Variants in CPNE2 observed in about 807,000 individuals in gnomAD.
CPNE2 encodes the protein copine 2.
A neutral mutation model predicts 69.7 loss-of-function variants in CPNE2; 42 were observed. That is an observed-to-expected ratio of 0.60 (90% CI 0.47 to 0.78). CPNE2 has a LOEUF of 0.78. Ranked by LOEUF, CPNE2 falls within the 30% of genes least tolerant of loss-of-function variation. The probability of loss-of-function intolerance (pLI) is 0.00; values close to 1 mark genes in which losing one functional copy is unlikely to be tolerated. For synonymous variants in CPNE2, 294 were observed against 289.8 expected, an observed-to-expected ratio of 1.01 and a Z score of -0.15; for missense variants, 587 against 732.0, an observed-to-expected ratio of 0.80 and a Z score of 2.29.
At chr16:57,102,541 A>G (rs1479563329) in intron 1 of CPNE2, among the ~76,000 whole-genome samples, 7 of 151,330 alleles carry the variant, frequency 4.6e-5, no homozygotes, top group Non-Finnish European at 8.8e-5. Flanking sequence ...TGCTGTGTCC[A>G]CCAGCCTGGA....
In CPNE2 at chr16:57,097,315, G is replaced by T. The variant is rs1299046631; in HGVS notation, c.-36+4525G>T. On this transcript the variant is annotated intron_variant, in intron 1 of 15. Transcript: ENST00000290776. ...TATGCCCAGAGCCTGAGTGTGTCTTGATCATGGTTGCCCCTCCAGCACACA... is the reference window on the plus strand; with the variant it reads ...TATGCCCAGAGCCTGAGTGTGTCTTTATCATGGTTGCCCCTCCAGCACACA... Among the ~76,000 whole-genome samples, 14 of 152,132 alleles carry T rather than the reference G, an allele frequency of 9.2e-5. 1 individual carries two copies.
chr16:57,138,956 T>C (rs761338703), intron 14 of CPNE2, among the ~76,000 whole-genome samples: 1 of 152,014 alleles, frequency 6.6e-6, no homozygotes, highest in Non-Finnish European at 1.5e-5. Context: ...CGGGAGGTGG[T>C]GGGAAAGATA....
At chr16:57,103,075 G>A (rs1434324368) in intron 1 of CPNE2, among the ~76,000 whole-genome samples, 5 of 152,026 alleles carry the variant, frequency 3.3e-5, no homozygotes, top group Non-Finnish European at 5.9e-5. Flanking sequence ...AGGCAACCAC[G>A]CCCCTTTCTT....
intron 7 of CPNE2, among the ~76,000 whole-genome samples, chr16:57,120,145 C>T (rs1430308507): frequency 6.6e-6 from 1 of 151,926 alleles, no homozygotes; most frequent in Non-Finnish European, 1.5e-5. Context: ...TGGCGGTGCA[C>T]GCCTGTAGTC....
chr16:57,124,419 G>C (rs112171206), intron 10 of CPNE2: 3 of 455,818 alleles, frequency 6.6e-6, no homozygotes, highest in Non-Finnish European at 8.8e-6. Flanking sequence ...TTGCCGCCCC[G>C]AGATTCATAT....
chr16:57,104,930 G>A (rs1271166678), intron 1 of CPNE2, among the ~76,000 whole-genome samples: 1 of 152,188 alleles, frequency 6.6e-6, no homozygotes, highest in African/African-American at 2.4e-5. Context: ...GCAAGCGAGG[G>A]GGAGGGTGGC....
intron 12 of CPNE2, among the ~76,000 whole-genome samples, chr16:57,128,896 G>C (rs1424027214): frequency 6.6e-6 from 1 of 152,200 alleles, no homozygotes; most frequent in East Asian, 1.9e-4. Context: ...TGGGCATCCT[G>C]TATTCTATAT....
intron 14 of CPNE2, among the ~76,000 whole-genome samples, chr16:57,145,225 T>C (rs538210826): frequency 6.6e-6 from 1 of 152,354 alleles, no homozygotes; most frequent in Non-Finnish European, 1.5e-5. Flanking sequence ...CTGGAGACTA[T>C]TGTCTCCTCA....
At chr16:57,100,265 G>T (rs1201358184) in intron 1 of CPNE2, among the ~76,000 whole-genome samples, 1 of 152,184 alleles carries the variant, frequency 6.6e-6, no homozygotes, top group Admixed American at 6.5e-5. Context: ...AAGGGGGAAG[G>T]GCATTCCAGG....
chr16:57,095,103 G>A (rs1008228968), intron 1 of CPNE2, among the ~76,000 whole-genome samples: 1 of 152,182 alleles, frequency 6.6e-6, no homozygotes, highest in Non-Finnish European at 1.5e-5. Flanking sequence ...AACACCTTGA[G>A]GACCCAGCTC....
chr16:57,130,796 G>A lies in CPNE2; in HGVS notation c.1116+2893G>A, dbSNP rs372206625. On this transcript the variant is annotated intron_variant, in intron 12 of 15. Coordinates refer to ENST00000290776, the MANE Select transcript of CPNE2 (RefSeq NM_152727.6). This position sits in a 1 kb window ranked among gnomAD's most constrained non-coding sequence, Gnocchi z 4.1. ...CATGGAGACATCAGCCAGTGTGGCA[G>A]TCAGCCAGCGTGGAAGTCAACTGGC... Among the ~76,000 whole-genome samples, 4 of 152,142 alleles carry A rather than the reference G, an allele frequency of 2.6e-5. No homozygotes were observed. In the East Asian group the frequency reaches 5.8e-4, roughly 22 times the overall value.
intron 12 of CPNE2, among the ~76,000 whole-genome samples, chr16:57,132,431 C>T (rs972427385): frequency 6.6e-6 from 1 of 152,160 alleles, no homozygotes; most frequent in Non-Finnish European, 1.5e-5. Flanking sequence ...TCAGAGAGGA[C>T]AGTCACTCTG....
At chr16:57,102,804 G>A (rs2069622889) in intron 1 of CPNE2, among the ~76,000 whole-genome samples, 1 of 151,910 alleles carries the variant, frequency 6.6e-6, no homozygotes, top group African/African-American at 2.4e-5. Flanking sequence ...GTTTCACCTT[G>A]TTGGCCAGGC....
intron 9 of CPNE2, chr16:57,123,179 T>C (rs1419483781): frequency 1.1e-5 from 6 of 556,992 alleles, no homozygotes; most frequent in Middle Eastern, 8.0e-4. Flanking sequence ...GGAACCAGCA[T>C]GTGTCTGTGT....
chr16:57,120,864 T>C (rs953691083), intron 7 of CPNE2, among the ~76,000 whole-genome samples: 1 of 152,106 alleles, frequency 6.6e-6, no homozygotes, highest in Non-Finnish European at 1.5e-5. Flanking sequence ...TTGCCTGCAC[T>C]AGAGGGTACA....
intron 1 of CPNE2, among the ~76,000 whole-genome samples, chr16:57,098,914 T>G (rs1277498144): frequency 6.6e-6 from 1 of 152,222 alleles, no homozygotes; most frequent in Non-Finnish European, 1.5e-5. Context: ...AAGGGCTTTG[T>G]AGAGGAGTCC....
Position 57,147,884 on chromosome 16 carries a change from A to T in CPNE2, c.*226A>T. 1 of 396,754 alleles carries T rather than the reference A, an allele frequency of 2.5e-6. No homozygotes were observed. 24.6% of individuals were successfully genotyped at this position (396,754 alleles called of 1,614,324 possible). ...ACTGGCTTCCTCTCCTCCTCTCCCC[A>T]CCTTTGCCATTCTTAAGTATTGAAT... On this transcript the variant is annotated 3_prime_UTR_variant, in exon 16 of 16. Coordinates refer to ENST00000290776, the MANE Select transcript of CPNE2 (RefSeq NM_152727.6).
intron 1 of CPNE2, among the ~76,000 whole-genome samples, chr16:57,094,376 G>A (rs2069564934): frequency 6.6e-6 from 1 of 152,148 alleles, no homozygotes; most frequent in Non-Finnish European, 1.5e-5. Context: ...AGTGGCAAGT[G>A]TGGTGTCTCT....
rs77301848 is a variant in CPNE2, at chr16:57,102,497, C to T, written c.-35-8211C>T. 5.5e-3 allele frequency among the ~76,000 whole-genome samples: 831 copies of T among 152,334 alleles called. 10 individuals are homozygous for T. The highest frequency in any genetic ancestry group is 0.053 in the East Asian group (275 of 5,188). ...AAGCCCATAATTCAATCCCTAGTCC[C>T]CCGTCACTACCATGGTCTCTCTGGG... On this transcript the variant is annotated intron_variant, in intron 1 of 15. Transcript: ENST00000290776.
Sources: gnomAD v4.1 joint callset for allele counts (sites outside exome capture counted in the v4.1 genomes callset) on GRCh38, gnomAD v4.1.1 for gene constraint, Gnocchi (gnomAD v3.1) non-coding constraint, MANE v1.5 for transcripts, NCBI Gene and HGNC (gene_info 2026-07-23, HGNC 2026-07-21) for gene names.